Variants in CCPG1 observed in about 807,000 individuals in gnomAD.
CCPG1 encodes cell cycle progression protein 1.
CCPG1 carries 46 observed loss-of-function variants against 81.3 expected under a neutral mutation model. That is an observed-to-expected ratio of 0.57 (90% CI 0.45 to 0.72). CCPG1 has a LOEUF of 0.72. Ranked by LOEUF, CCPG1 falls within the 30% of genes least tolerant of loss-of-function variation. The pLI is 0.00. For missense variants in CCPG1, 902 were observed against 937.6 expected (o/e 0.96, Z 0.50); for synonymous variants, 330 against 305.2 (o/e 1.08, Z -0.85).
intron 2 of CCPG1, among the ~76,000 whole-genome samples, chr15:55,388,647 C>G (rs1023676481): frequency 6.6e-6 from 1 of 152,032 alleles, no homozygotes; most frequent in Non-Finnish European, 1.5e-5. Context: ...TGCCTATAGT[C>G]CCAGCTACTT....
In CCPG1 at chr15:55,356,569, A is replaced by G. The variant is rs1009336652; in HGVS notation, c.2235-160T>C. 4.1e-6 allele frequency: 5 copies of G among 1,233,956 alleles called. No individual in the cohort carries two copies. In the African/African-American group the frequency reaches 7.8e-5, roughly 19 times the overall value. 76.4% of individuals were successfully genotyped at this position (1,233,956 alleles called of 1,614,324 possible). A position where few individuals can be genotyped will look rare whatever the true frequency, so the allele number is the denominator to read the frequency against. On this transcript the variant is annotated intron_variant, in intron 8 of 8. Transcript: ENST00000442196. ...TAGTATATCCATATAAAAATAAAGG[A>G]GTCTGTATTAGTTTTTTTGTCCTAT... is the stretch of plus-strand genomic sequence containing the variant.
intron 1 of CCPG1, among the ~76,000 whole-genome samples, chr15:55,398,774 G>C (rs893723903): frequency 5.9e-5 from 9 of 152,054 alleles, no homozygotes; most frequent in Non-Finnish European, 1.3e-4. Flanking sequence ...TAGAGATGCG[G>C]TTTCACCATG....
chr15:55,365,951 T>C (rs1595825815), intron 6 of CCPG1, among the ~76,000 whole-genome samples: 1 of 151,264 alleles, frequency 6.6e-6, no homozygotes, highest in Non-Finnish European at 1.5e-5. Context: ...TAAAATAAAA[T>C]AAAAAAAGAA....
chr15:55,403,592 G>A (rs909009555), intron 1 of CCPG1, among the ~76,000 whole-genome samples: 3 of 151,948 alleles, frequency 2.0e-5, no homozygotes, highest in Admixed American at 6.6e-5. Flanking sequence ...CATATCATAG[G>A]GCTGAATTTC....
chr15:55,400,789 C>G (rs922007752), intron 1 of CCPG1, among the ~76,000 whole-genome samples: 1 of 152,184 alleles, frequency 6.6e-6, no homozygotes, highest in Non-Finnish European at 1.5e-5. Flanking sequence ...CTTGTGTTTA[C>G]TGGCTATCCT....
rs780129307 is a variant in CCPG1, at chr15:55,360,449, G to C, written c.1324C>G (p.Gln442Glu). ...TELERKLTFE[Q>E]QRSDLWERLY... ...CTTTCCCACAAATCAGAACGCTGCT[G>C]TTCGAAGGTTAGCTTCCGTTCCAGC... is the stretch of plus-strand genomic sequence containing the variant. Residue 442 changes from glutamine to glutamate, a missense_variant, in exon 8 of 9, where the codon CAG becomes GAG. Gln to Glu is a conservative substitution (Grantham distance 29). Transcript: ENST00000442196. 1.9e-6 allele frequency: 3 copies of C among 1,613,966 alleles called. No individual in the cohort carries two copies. The South Asian group carries it at 3.3e-5, about 18-fold the overall frequency.
At chr15:55,380,100 TAA>T (rs374941554) in intron 3 of CCPG1, among the ~76,000 whole-genome samples, 16 of 130,736 alleles carry the variant, frequency 1.2e-4, no homozygotes, top group Admixed American at 1.6e-4. Context: ...AACTCTGTCT[TAA>T]AAAAAAAAAA....
rs546791705 is a variant in CCPG1 at position 55,374,499 on chromosome 15, G to A, written c.454+2450C>T. 1.7e-3 allele frequency among the ~76,000 whole-genome samples: 253 copies of A among 152,042 alleles called. 2 individuals are homozygous for A. Among genetic ancestry groups the A allele is most frequent in the Non-Finnish European group, 9.6e-4 (65 of 68,002 alleles). On this transcript the variant is annotated intron_variant, in intron 5 of 8. Transcript: ENST00000442196. Reference sequence around the variant, plus strand: ...TTCTTAACCCAACAAAACGTACACTGCCACAAGAATATAAGTCAGGAGAAG... The same window carrying A: ...TTCTTAACCCAACAAAACGTACACTACCACAAGAATATAAGTCAGGAGAAG...
At chr15:55,391,299 A>T (rs2056909038) in intron 1 of CCPG1, among the ~76,000 whole-genome samples, 1 of 152,000 alleles carries the variant, frequency 6.6e-6, no homozygotes, top group African/African-American at 2.4e-5. Flanking sequence ...TATTTTTTGT[A>T]GAGACAACGT....
chr15:55,380,996 G>T (rs940940690), intron 3 of CCPG1, among the ~76,000 whole-genome samples: 5 of 151,362 alleles, frequency 3.3e-5, no homozygotes, highest in Admixed American at 1.3e-4. Flanking sequence ...AATTAGCCGA[G>T]CGTGGTGGTG....
rs181651340 is a variant in CCPG1, at chr15:55,359,768, C to A, written c.2005G>T (p.Asp669Tyr). ...AGTTCGTTCCAGTGACAAAAAGTAT[C>A]CAGTTCTTTTAACATGTACCTTTGA... ...IIQRYMLKEL[D>Y]TFCHWNELDQ... The change falls in exon 8 of 9, where the codon GAT (aspartate) becomes TAT (tyrosine). Residue 669 changes from aspartate to tyrosine, a missense_variant. By Grantham distance (160) the Asp-to-Tyr change is radical. This residue lies in a region of CCPG1 where 746 missense variants were observed against 728.6 expected (regional missense o/e 1.02). Transcript: ENST00000442196. 1 of 1,613,282 alleles carries A rather than the reference C, an allele frequency of 6.2e-7. No individual in the cohort carries two copies. Among genetic ancestry groups the A allele is most frequent in the East Asian group, 2.2e-5 (1 of 44,840 alleles).
At position 55,359,615 on chromosome 15, in the gene CCPG1, C is replaced by T; in HGVS notation, c.2158G>A (p.Gly720Arg). 6.2e-7 allele frequency: 1 copy of T among 1,613,130 alleles called. No individual in the cohort carries two copies. The highest frequency in any genetic ancestry group is 1.7e-5 in the Admixed American group (1 of 59,970). Residue 720 changes from glycine to arginine, a missense_variant, in exon 8 of 9, where the codon GGA becomes AGA. Gly to Arg is a moderately radical substitution (Grantham distance 125). Transcript: ENST00000442196. ...TATTCATCCAACTTCTCAAATACTC[C>T]ATCATTATCTACTTCATATTCCTTC... ...NMKEYEVDNDGVFEKLDEYIY... is the reference protein window; with the variant it reads ...NMKEYEVDNDRVFEKLDEYIY...
chr15:55,366,233 A>G (rs2056324071), intron 6 of CCPG1, among the ~76,000 whole-genome samples: 1 of 152,304 alleles, frequency 6.6e-6, no homozygotes, highest in Non-Finnish European at 1.5e-5. Context: ...AAAGTGTTTC[A>G]GCCTCCCTTA....
intron 2 of CCPG1, among the ~76,000 whole-genome samples, chr15:55,388,915 AAAATT>A (rs1414325930): frequency 6.6e-6 from 1 of 151,904 alleles, no homozygotes; most frequent in Non-Finnish European, 1.5e-5. Context: ...TGAAAATACA[AAAATT>A]AGCTGGGCAT....
intron 5 of CCPG1, among the ~76,000 whole-genome samples, chr15:55,376,255 C>T (rs1435659161): frequency 6.6e-6 from 1 of 152,182 alleles, no homozygotes; most frequent in Non-Finnish European, 1.5e-5. Context: ...TACCTACATA[C>T]TTACATCACA....
At chr15:55,374,192 C>T (rs770470258) in intron 5 of CCPG1, 9 of 1,289,132 alleles carry the variant, frequency 7.0e-6, no homozygotes, top group Non-Finnish European at 9.1e-6. Context: ...GGTGTTTCAG[C>T]TGATCATCCC....
chr15:55,393,269 T>TCTA (rs1334211670), intron 1 of CCPG1, among the ~76,000 whole-genome samples: 4 of 152,080 alleles, frequency 2.6e-5, no homozygotes, highest in African/African-American at 9.7e-5. Flanking sequence ...ACTCCCCATC[T>TCTA]CTACCAAAAA....
intron 1 of CCPG1, among the ~76,000 whole-genome samples, chr15:55,390,844 A>G (rs1595858257): frequency 1.3e-5 from 2 of 152,218 alleles, no homozygotes; most frequent in African/African-American, 4.8e-5. Flanking sequence ...TAAGGTATCA[A>G]TTGTATGACT....
intron 6 of CCPG1, among the ~76,000 whole-genome samples, chr15:55,368,875 G>C (rs930622258): frequency 6.6e-6 from 1 of 152,188 alleles, no homozygotes; most frequent in Non-Finnish European, 1.5e-5. Context: ...ACTTTGGGAG[G>C]CCGAGGCAGG....
Sources: gnomAD v4.1 joint callset for allele counts (sites outside exome capture counted in the v4.1 genomes callset) on GRCh38, gnomAD v4.1.1 for gene constraint, gnomAD v4.1.1 regional missense constraint, MANE v1.5 for transcripts, NCBI Gene and HGNC (gene_info 2026-07-23, HGNC 2026-07-21) for gene names.